PPFIA3: variants seen among roughly 807,000 people sequenced by gnomAD.
PPFIA3 encodes the protein liprin-alpha-3.
A neutral mutation model predicts 145.8 loss-of-function variants in PPFIA3; 26 were observed. The observed-to-expected ratio is 0.18, with a 90% confidence interval of 0.13 to 0.25. PPFIA3 has a LOEUF of 0.25. PPFIA3 is among the 10% of genes least tolerant of loss of function. The pLI is 1.00. For missense variants in PPFIA3, 1,008 were observed against 1,587.8 expected, an observed-to-expected ratio of 0.63 and a Z score of 6.21; for synonymous variants, 645 against 661.4, an observed-to-expected ratio of 0.98 and a Z score of 0.38.
intron 16 of PPFIA3, among the ~76,000 whole-genome samples, 179 bp from the exon 17 acceptor site, chr19:49,139,489 C>CAA (rs370199974): frequency 3.4e-4 from 22 of 64,394 alleles, no homozygotes; most frequent in African/African-American, 7.3e-4. Context: ...AACTCCATCT[C>CAA]AAAAAAAAAA....
At position 49,133,153 on chromosome 19, in the gene PPFIA3, G is replaced by T. The variant is rs753111277; in HGVS notation, c.1026+6G>T. On this transcript the variant is annotated splice_donor_region_variant and intron_variant, in intron 8 of 29. Coordinates refer to ENST00000334186, the MANE Select transcript of PPFIA3 (RefSeq NM_003660.4). The surrounding 1 kb of genome is among the most constrained non-coding windows in gnomAD (Gnocchi z 7.2). ...AGGAGTCGTTGTATCGGCAGGTGGG[G>T]GCGCGGCCGGGAGGGGCGATGGGGG... 6.3e-7 allele frequency: 1 copy of T among 1,591,912 alleles called. No individual in the cohort carries two copies. Among genetic ancestry groups the T allele is most frequent in the African/African-American group, 1.3e-5 (1 of 74,502 alleles).
At chr19:49,138,827 C>T (rs1160771914) in intron 16 of PPFIA3, among the ~76,000 whole-genome samples, 1 of 152,024 alleles carries the variant, frequency 6.6e-6, no homozygotes, top group Non-Finnish European at 1.5e-5. Flanking sequence ...AAAAATTAGC[C>T]TGGCCTGGTG....
intron 16 of PPFIA3, among the ~76,000 whole-genome samples, chr19:49,139,112 C>T (rs2041177808): frequency 6.6e-6 from 1 of 151,992 alleles, no homozygotes; most frequent in South Asian, 2.1e-4. Flanking sequence ...GAACCTGTAA[C>T]TCATTAGCTT....
chr19:49,133,672 A>C lies in PPFIA3; in HGVS notation c.1162-124A>C, dbSNP rs914528595. ...GGCGCAGGGGCGGGGCCTGACTCAA[A>C]GGTGCAGGGGAGGAGCCTGGCGCTG... On this transcript the variant is annotated intron_variant, in intron 9 of 29. Coordinates refer to ENST00000334186, the MANE Select transcript of PPFIA3 (RefSeq NM_003660.4). The surrounding 1 kb of genome is among the most constrained non-coding windows in gnomAD (Gnocchi z 7.2). 5 of 1,074,498 alleles carry C rather than the reference A, an allele frequency of 4.7e-6. No homozygotes were observed. The Middle Eastern group carries it at 8.8e-4, about 188-fold the overall frequency. The allele number at this position is 1,074,498 out of a possible 1,614,324, so 66.6% of individuals were successfully genotyped here. A position where few individuals can be genotyped will look rare whatever the true frequency, so the allele number is the denominator to read the frequency against.
Position 49,141,417 on chromosome 19 carries a change from C to T in PPFIA3, c.2369-3C>T. 1 of 1,613,320 alleles carries T rather than the reference C, an allele frequency of 6.2e-7. No homozygotes were observed. Among genetic ancestry groups the T allele is most frequent in the Non-Finnish European group, 8.5e-7 (1 of 1,179,462 alleles). On this transcript the variant is annotated splice_region_variant and splice_polypyrimidine_tract_variant and intron_variant, in intron 18 of 29. Transcript: ENST00000334186. ...CCAAATTTCGACCCCTCCCTGCCTC[C>T]AGCTGGAACACCCTCAGATGAGACA...
chr19:49,140,178 C>A, intron 18 of PPFIA3, 90 bp downstream of exon 18: 3 of 1,407,088 alleles, frequency 2.1e-6, no homozygotes, highest in Non-Finnish European at 2.9e-6. Flanking sequence ...ATTTGACATC[C>A]ATTCATGTCT....
In PPFIA3 at chr19:49,148,681, T is replaced by C. The variant is rs2041307243; in HGVS notation, c.3027T>C (p.Tyr1009=). The C allele has an allele frequency of 1.9e-6, 3 of 1,613,676 alleles. No homozygotes were observed. The highest frequency in any genetic ancestry group is 2.5e-6 in the Non-Finnish European group (3 of 1,179,660). Residue 1009 remains tyrosine (Y), a synonymous_variant, in exon 25 of 30, where the codon TAT becomes TAC. Transcript: ENST00000334186. ...TGCTGCTCAGGGTGAGTCTACATTA[T>C]GGGATTATGTGCCTGAAACGGCTCA... The part of the protein sequence containing the change: ...VDSFHRVSLH[Y]GIMCLKRLNY...
Position 49,141,354 on chromosome 19 carries a change from C to T in PPFIA3, c.2369-66C>T, listed in dbSNP as rs529256255. ...GCCTTTCCGGCATTTTCCTCATCAC[C>T]TCCAGCATGAAAGATTCTGCCTCCC... On this transcript the variant is annotated intron_variant, in intron 18 of 29. Transcript: ENST00000334186. The T allele has an allele frequency of 9.7e-5, 124 of 1,280,168 alleles. No homozygotes were observed. In the African/African-American group the frequency reaches 1.7e-3, roughly 17 times the overall value. 79.3% of individuals were successfully genotyped at this position (1,280,168 alleles called of 1,614,324 possible).
intron 15 of PPFIA3, 96 bp from the exon 16 acceptor site, chr19:49,138,109 G>A: frequency 1.4e-6 from 2 of 1,415,394 alleles, no homozygotes; most frequent in Non-Finnish European, 1.9e-6. Context: ...AATTCCCATT[G>A]CCCCACCAGG....
rs766650758 is a variant in PPFIA3 at position 49,141,601 on chromosome 19, A to T, written c.2462+88A>T. ...GTGTGTGCGTGTATGTGTGTGTATG[A>T]GTGTGTGTGTGTGTGAGAGGGTGTG... On this transcript the variant is annotated intron_variant, in intron 19 of 29. Coordinates refer to ENST00000334186, the MANE Select transcript of PPFIA3 (RefSeq NM_003660.4). The T allele has an allele frequency of 2.2e-4, 177 of 823,108 alleles. No individual in the cohort carries two copies. Among genetic ancestry groups the T allele is most frequent in the East Asian group, 4.0e-4 (14 of 35,430 alleles). The allele number at this position is 823,108 out of a possible 1,614,324, so 51.0% of individuals were successfully genotyped here. A position where few individuals can be genotyped will look rare whatever the true frequency, so the allele number is the denominator to read the frequency against.
intron 20 of PPFIA3, 67 bp from the exon 21 acceptor site, chr19:49,142,734 TCCC>T: frequency 7.1e-7 from 1 of 1,411,728 alleles, no homozygotes; most frequent in Non-Finnish European, 9.9e-7. Flanking sequence ...ACCTCCCTGT[TCCC>T]CCATCTCTCC....
chr19:49,141,384 G>A, intron 18 of PPFIA3, 36 bp from the exon 19 acceptor site: 1 of 1,539,392 alleles, frequency 6.5e-7, no homozygotes. Flanking sequence ...CCTCCCCCTT[G>A]AGATTTTCCA....
intron 7 of PPFIA3, among the ~76,000 whole-genome samples, chr19:49,132,457 G>T (rs1442794373): frequency 7.1e-6 from 1 of 141,452 alleles, no homozygotes; most frequent in Non-Finnish European, 1.5e-5. Flanking sequence ...GGGATTTTAA[G>T]CCTGGATAGC....
In PPFIA3 at chr19:49,143,162, C is replaced by T. The variant is rs567286363; in HGVS notation, c.2745+158C>T. The stretch of plus-strand genomic sequence containing the variant: ...GCCTCCCCTCCACTCCTAACTTGGC[C>T]TGTGGTCCGTCCCTGTGGTACTCCA... On this transcript the variant is annotated intron_variant, in intron 21 of 29. Coordinates refer to ENST00000334186, the MANE Select transcript of PPFIA3 (RefSeq NM_003660.4). Among the ~76,000 whole-genome samples the T allele has an allele frequency of 2.6e-5, 4 of 152,274 alleles. No homozygotes were observed. In the South Asian group the frequency reaches 8.3e-4, roughly 32 times the overall value.
chr19:49,121,504 C>G (rs1021882398), intron 1 of PPFIA3, among the ~76,000 whole-genome samples: 2 of 151,990 alleles, frequency 1.3e-5, no homozygotes, highest in Non-Finnish European at 2.9e-5. Context: ...TGGCCAGGCG[C>G]GGTGGCTCAT....
chr19:49,148,948 C>T, intron 25 of PPFIA3, 45 bp from the exon 26 acceptor site: 1 of 1,604,558 alleles, frequency 6.2e-7, no homozygotes, highest in African/African-American at 1.3e-5. Context: ...ACTGAACTCT[C>T]CAGGCCACGG....
Position 49,135,808 on chromosome 19 carries a change from G to A in PPFIA3, c.1550G>A (p.Arg517His), listed in dbSNP as rs770005738. The change falls in exon 14 of 30, where the codon CGT (arginine) becomes CAT (histidine). Residue 517 changes from arginine (R) to histidine (H), a missense_variant. This residue lies in a region of PPFIA3 where 121 missense variants were observed against 138.2 expected (regional missense o/e 0.88). Transcript: ENST00000334186. ...RSLPGSALEL[R>H]YSQAPTLPSG... ...CTCCCTGGCAGTGCCCTGGAGCTCCGTTACTCTCAGGCACCCACTTTACCT... is the reference window on the plus strand; with the variant it reads ...CTCCCTGGCAGTGCCCTGGAGCTCCATTACTCTCAGGCACCCACTTTACCT... 35 of 1,613,420 alleles carry A rather than the reference G, an allele frequency of 2.2e-5. No homozygotes were observed. In the Admixed American group the frequency reaches 3.3e-4, roughly 15 times the overall value.
rs1480530566 is a variant in PPFIA3, at chr19:49,136,766, T to C, written c.1708T>C (p.Phe570Leu). ...CCCTGCGGGCTCCATACCACCCCCA[T>C]TCCCTGGGGAACTGGACGGCTCCGA... ...SAPAGSIPPP[F>L]PGELDGSDEE... Residue 570 changes from phenylalanine (F) to leucine (L), a missense_variant, in exon 15 of 30, where the codon TTC (phenylalanine) becomes CTC (leucine). Physicochemically the swap from Phe to Leu is conservative, Grantham distance 22. This residue lies in a region of PPFIA3 where 121 missense variants were observed against 138.2 expected (regional missense o/e 0.88). Coordinates refer to ENST00000334186, the MANE Select transcript of PPFIA3 (RefSeq NM_003660.4). 1 of 1,580,748 alleles carries C rather than the reference T, an allele frequency of 6.3e-7. No homozygotes were observed. The highest frequency in any genetic ancestry group is 1.8e-4 in the Middle Eastern group (1 of 5,464).
chr19:49,146,269 C>T, intron 23 of PPFIA3, 77 bp downstream of exon 23: 2 of 1,523,574 alleles, frequency 1.3e-6, no homozygotes, highest in Middle Eastern at 2.2e-4. Context: ...CCGAGCCCTG[C>T]CCCTGCCTTC....
Sources: allele counts gnomAD v4.1 joint callset (sites outside exome capture counted in the v4.1 genomes callset), GRCh38; gene constraint gnomAD v4.1.1; regional missense constraint gnomAD v4.1.1; non-coding constraint Gnocchi (gnomAD v3.1); transcripts MANE v1.5; gene names NCBI Gene and HGNC (gene_info 2026-07-23, HGNC 2026-07-21).